Variants in THAP12 observed in about 807,000 individuals in gnomAD.
THAP12 encodes the protein THAP domain containing 12, also known as 52 kDa repressor of the inhibitor of the protein kinase.
Under a neutral mutation model 63.0 loss-of-function variants are expected in THAP12, and 20 were observed. The ratio of observed to expected loss-of-function variants is 0.32; its 90% CI spans 0.22 to 0.46. The LOEUF (loss-of-function observed/expected upper bound fraction) is 0.46. Among genes scored for constraint, THAP12 ranks in the 20% least tolerant of loss-of-function variants. THAP12 has a pLI of 1.00. For missense variants in THAP12, 568 were observed against 908.2 expected, an observed-to-expected ratio of 0.63 and a Z score of 4.81; for synonymous variants, 264 against 328.4, an observed-to-expected ratio of 0.80 and a Z score of 2.12.
chr11:76,375,792 T>G (rs1044252978), intron 1 of THAP12, among the ~76,000 whole-genome samples: 1 of 151,710 alleles, frequency 6.6e-6, no homozygotes, highest in Non-Finnish European at 1.5e-5. Flanking sequence ...AATACTGTTA[T>G]TAATTCAATA....
rs1031416891 is a variant in THAP12, at chr11:76,380,804, C to T, written c.33G>A (p.Thr11=). MPNFCAAPNC[T]RKSTQSDLAF... ...CCAAGTCGGACTGCGTGCTCTTCCG[C>T]GTGCAGTTGGGGGCAGCGCAGAAGT... Residue 11 remains threonine, a synonymous_variant, in exon 1 of 5, where the codon ACG becomes ACA. Transcript: ENST00000260045. 7 of 1,458,278 alleles carry T rather than the reference C, an allele frequency of 4.8e-6. No individual in the cohort carries two copies. The East Asian group carries it at 1.9e-4, about 39-fold the overall frequency. 90.3% of individuals were successfully genotyped at this position (1,458,278 alleles called of 1,614,324 possible). A position where few individuals can be genotyped will look rare whatever the true frequency, so the allele number is the denominator to read the frequency against.
intron 1 of THAP12, among the ~76,000 whole-genome samples, chr11:76,374,684 C>A (rs1946697009): frequency 6.6e-6 from 1 of 152,218 alleles, no homozygotes; most frequent in African/African-American, 2.4e-5. Context: ...CCACTGTCCA[C>A]TCCTGAGAGA....
At chr11:76,370,843 AAT>A (rs1555025511) in intron 1 of THAP12, among the ~76,000 whole-genome samples, 209 of 141,546 alleles carry the variant, frequency 1.5e-3, no homozygotes, top group African/African-American at 5.3e-3. Context: ...AAAAAAAAAA[AAT>A]ATATATATAT....
intron 1 of THAP12, among the ~76,000 whole-genome samples, chr11:76,373,386 T>C (rs1946687538): frequency 1.3e-5 from 2 of 150,270 alleles, no homozygotes; most frequent in Non-Finnish European, 3.0e-5. Flanking sequence ...TTATTACAAC[T>C]CACCCCATTG....
intron 1 of THAP12, among the ~76,000 whole-genome samples, chr11:76,373,272 G>A (rs1454178074): frequency 6.6e-6 from 1 of 151,492 alleles, no homozygotes; most frequent in Non-Finnish European, 1.5e-5. Flanking sequence ...CTTGAGCGCA[G>A]GAGGCAGAGG....
chr11:76,354,961 A>G (rs1219352726), intron 4 of THAP12, among the ~76,000 whole-genome samples: 6 of 152,206 alleles, frequency 3.9e-5, no homozygotes, highest in Non-Finnish European at 7.3e-5. Flanking sequence ...AAATAACAGT[A>G]CTTATCTCAC....
At position 76,376,911 on chromosome 11, in the gene THAP12, T is replaced by A. The variant is rs189960365; in HGVS notation, c.89+3837A>T. Among the ~76,000 whole-genome samples, 356 of 152,258 alleles carry A rather than the reference T, an allele frequency of 2.3e-3. 1 individual carries two copies. The highest frequency in any genetic ancestry group is 8.3e-3 in the African/African-American group (343 of 41,548). On this transcript the variant is annotated intron_variant, in intron 1 of 4. Transcript: ENST00000260045. ...TGGAAGTGAAATAAACCTGTAAGAA[T>A]GTCTTTGGGCTAAAATTTGGGTAAA...
In THAP12 at chr11:76,351,724, C is replaced by G; in HGVS notation, c.1426G>C (p.Asp476His). 2 of 1,606,140 alleles carry G rather than the reference C, an allele frequency of 1.2e-6. No individual in the cohort carries two copies. Among genetic ancestry groups the G allele is most frequent in the Non-Finnish European group, 1.7e-6 (2 of 1,177,118 alleles). ...ACAATAGTAACAATGAAATCAAAAT[C>G]TGACACTGCACTGCAGAGTACAAAT... is the stretch of plus-strand genomic sequence containing the variant. ...RAFVLCSAVSDFDFIVTIVVL... is the reference protein window; with the variant it reads ...RAFVLCSAVSHFDFIVTIVVL... Residue 476 changes from aspartate to histidine, a missense_variant, in exon 5 of 5, where the codon GAT (aspartate) becomes CAT (histidine). Asp to His is a moderately conservative substitution (Grantham distance 81). Transcript: ENST00000260045.
intron 1 of THAP12, among the ~76,000 whole-genome samples, chr11:76,371,323 T>C (rs1427876704): frequency 1.3e-5 from 2 of 152,206 alleles, no homozygotes; most frequent in Admixed American, 6.5e-5. Flanking sequence ...TACTACACTC[T>C]TCTTGCTGCT....
chr11:76,365,519 G>A (rs1004742252), intron 2 of THAP12, among the ~76,000 whole-genome samples: 6 of 151,956 alleles, frequency 3.9e-5, no homozygotes, highest in African/African-American at 1.2e-4. Flanking sequence ...AAGTAGCTGG[G>A]ACTACAGGCA....
intron 1 of THAP12, among the ~76,000 whole-genome samples, chr11:76,371,107 T>C (rs1946671275): frequency 6.6e-6 from 1 of 152,152 alleles, no homozygotes; most frequent in Non-Finnish European, 1.5e-5. Context: ...CAAGCTACCA[T>C]AATTTTTTAC....
At chr11:76,359,888 G>C (rs997289595) in intron 3 of THAP12, among the ~76,000 whole-genome samples, 1 of 151,888 alleles carries the variant, frequency 6.6e-6, no homozygotes, top group Non-Finnish European at 1.5e-5. Context: ...AAAAAGAAGA[G>C]TTAAACAATC....
At chr11:76,380,155 C>T (rs919969293) in intron 1 of THAP12, among the ~76,000 whole-genome samples, 4 of 152,186 alleles carry the variant, frequency 2.6e-5, no homozygotes, top group African/African-American at 9.7e-5. Flanking sequence ...ATTTCCACGC[C>T]CTCACGCGTA....
At chr11:76,370,186 A>G (rs1294877765) in intron 1 of THAP12, among the ~76,000 whole-genome samples, 1 of 152,190 alleles carries the variant, frequency 6.6e-6, no homozygotes, top group African/African-American at 2.4e-5. Flanking sequence ...GTGAAGTCAC[A>G]GTGGCTACCA....
Position 76,351,488 on chromosome 11 carries a change from C to T in THAP12, c.1662G>A (p.Gly554=). 6.4e-7 allele frequency: 1 copy of T among 1,565,510 alleles called. No homozygotes were observed. The highest frequency in any genetic ancestry group is 8.7e-7 in the Non-Finnish European group (1 of 1,154,542). The change falls in exon 5 of 5, where the codon GGG becomes GGA. Residue 554 remains glycine, a synonymous_variant. Transcript: ENST00000260045. ...TACCCTGGTGAGCTCTGCGGAATTT[C>T]CCAGGGAGTTTCATTTGAATATCAA... ...TKLDIQMKLP[G]KFRRAHQGNL... is the part of the protein sequence containing the mutation.
At chr11:76,360,891 G>T in intron 3 of THAP12, 65 bp downstream of exon 3, 1 of 1,046,006 alleles carries the variant, frequency 9.6e-7, no homozygotes, top group Non-Finnish European at 1.5e-6. Flanking sequence ...TAACATAAAT[G>T]CATCTGTATT....
intron 4 of THAP12, 149 bp from the exon 5 acceptor site, chr11:76,352,943 G>A (rs1946537858): frequency 1.1e-6 from 1 of 904,894 alleles, no homozygotes; most frequent in Admixed American, 3.6e-5. Context: ...CTAGGACAGA[G>A]ATTAAAATAA....
chr11:76,370,379 G>A (rs947249299), intron 1 of THAP12, among the ~76,000 whole-genome samples: 1 of 150,768 alleles, frequency 6.6e-6, no homozygotes, highest in African/African-American at 2.4e-5. Context: ...GTTTTTTTTT[G>A]AGAGAGAGGA....
At chr11:76,367,718 C>T (rs1342244700) in intron 1 of THAP12, among the ~76,000 whole-genome samples, 1 of 152,198 alleles carries the variant, frequency 6.6e-6, no homozygotes, top group Admixed American at 6.5e-5. Flanking sequence ...CCACTGCGCC[C>T]GGCCCAACAT....
Sources: allele counts gnomAD v4.1 joint callset (sites outside exome capture counted in the v4.1 genomes callset), GRCh38; gene constraint gnomAD v4.1.1; transcripts MANE v1.5; gene names NCBI Gene and HGNC (gene_info 2026-07-23, HGNC 2026-07-21).